LRRC4C: variants seen among roughly 807,000 people sequenced by gnomAD.
LRRC4C encodes leucine rich repeat containing 4C, also known as leucine-rich repeat-containing protein 4C.
LRRC4C carries 5 observed loss-of-function variants against 33.6 expected under a neutral mutation model. The observed-to-expected ratio is 0.15, with a 90% CI of 0.08 to 0.31. The LOEUF (loss-of-function observed/expected upper bound fraction) is 0.31. Among genes scored for constraint, LRRC4C ranks in the 10% least tolerant of loss-of-function variants. The probability of loss-of-function intolerance (pLI) is 1.00; values close to 1 mark genes in which losing one functional copy is unlikely to be tolerated. For missense variants in LRRC4C, 560 were observed against 796.7 expected (o/e 0.70, Z 3.58); for synonymous variants, 329 against 302.0 (o/e 1.09, Z -0.93).
At chr11:40,380,154 G>A (rs180846203) in intron 3 of LRRC4C, among the ~76,000 whole-genome samples, 37 of 152,170 alleles carry the variant, frequency 2.4e-4, no homozygotes, top group Non-Finnish European at 1.6e-4. Flanking sequence ...AATATTTCAC[G>A]GAGGAGGCTA....
chr11:40,775,016 A>C (rs1252830782), intron 2 of LRRC4C, among the ~76,000 whole-genome samples: 8 of 151,938 alleles, frequency 5.3e-5, no homozygotes, highest in African/African-American at 1.9e-4. Flanking sequence ...AAATATTTAC[A>C]TATAATAAAA....
At chr11:40,571,391 G>T (rs572838298) in intron 3 of LRRC4C, among the ~76,000 whole-genome samples, 5 of 152,136 alleles carry the variant, frequency 3.3e-5, no homozygotes, top group South Asian at 4.1e-4. Context: ...TGTTTACAGA[G>T]AATTTTTATG....
intron 2 of LRRC4C, among the ~76,000 whole-genome samples, chr11:40,790,866 A>G (rs1262394840): frequency 6.6e-6 from 1 of 152,128 alleles, no homozygotes; most frequent in East Asian, 1.9e-4. Context: ...TCTTAAAAAT[A>G]TTTTTGTTTC....
chr11:40,675,928 G>T (rs1258007150), intron 2 of LRRC4C, among the ~76,000 whole-genome samples: 2 of 152,226 alleles, frequency 1.3e-5, no homozygotes, highest in Non-Finnish European at 2.9e-5. Flanking sequence ...AATAGGAAAA[G>T]AAAACTCTTA....
intron 3 of LRRC4C, among the ~76,000 whole-genome samples, chr11:40,344,998 T>C (rs566266106): frequency 3.3e-5 from 5 of 152,002 alleles, no homozygotes; most frequent in Admixed American, 6.6e-5. Flanking sequence ...TCAAATAAAT[T>C]GGAGATGATA....
At chr11:40,234,081 C>T (rs187547463) in intron 5 of LRRC4C, among the ~76,000 whole-genome samples, 108 of 152,250 alleles carry the variant, frequency 7.1e-4, no homozygotes, top group East Asian at 3.9e-3. Context: ...ACAGGAGACA[C>T]GATTCAAAAT....
At chr11:40,499,914 G>C (rs2138608621) in intron 3 of LRRC4C, among the ~76,000 whole-genome samples, 1 of 152,152 alleles carries the variant, frequency 6.6e-6, no homozygotes, top group African/African-American at 2.4e-5. Context: ...ATGAGACCTA[G>C]GCCAGGGACA....
At chr11:41,435,443 T>C (rs947791011) in intron 1 of LRRC4C, among the ~76,000 whole-genome samples, 4 of 152,170 alleles carry the variant, frequency 2.6e-5, no homozygotes, top group African/African-American at 9.6e-5. Context: ...AGAGAACCCG[T>C]TGATCAATAC....
chr11:41,220,409 G>A lies in LRRC4C; in HGVS notation c.-496+239022C>T, dbSNP rs901914468. ...AGTTATGAAAATAGGAATCTCTCTG[G>A]TTATCTGCTGTGCAACATTCAACTT... On this transcript the variant is annotated intron_variant, in intron 1 of 6. Transcript: ENST00000528697. Among the ~76,000 whole-genome samples the A allele has an allele frequency of 2.6e-5, 4 of 151,746 alleles. No homozygotes were observed. In the East Asian group the frequency reaches 7.7e-4, roughly 29 times the overall value.
At chr11:40,898,934 C>A (rs114553828) in intron 2 of LRRC4C, among the ~76,000 whole-genome samples, 1,958 of 152,176 alleles carry the variant, frequency 0.013, 38 homozygotes, top group African/African-American at 0.045. Flanking sequence ...CTAGCTCATC[C>A]TATTTCCTTA....
chr11:41,031,100 A>G (rs776756146), intron 1 of LRRC4C, among the ~76,000 whole-genome samples: 1 of 151,912 alleles, frequency 6.6e-6, no homozygotes, highest in Non-Finnish European at 1.5e-5. Context: ...AACTCATGCT[A>G]TTGCTTTCAC....
chr11:40,713,317 C>T (rs1946555833), intron 2 of LRRC4C, among the ~76,000 whole-genome samples: 1 of 152,254 alleles, frequency 6.6e-6, no homozygotes, highest in South Asian at 2.1e-4. Context: ...GAAATTTGGA[C>T]AGAACAAGTG....
intron 2 of LRRC4C, among the ~76,000 whole-genome samples, chr11:40,669,626 A>T (rs1943984568): frequency 6.6e-6 from 1 of 152,192 alleles, no homozygotes; most frequent in Non-Finnish European, 1.5e-5. Flanking sequence ...TCTACTAAAC[A>T]AGACCCTCCG....
At chr11:40,911,348 C>T (rs904900275) in intron 2 of LRRC4C, among the ~76,000 whole-genome samples, 4 of 152,182 alleles carry the variant, frequency 2.6e-5, no homozygotes, top group African/African-American at 9.7e-5. Context: ...TGAGACAAAA[C>T]TTCCAGAGGA....
At chr11:40,426,577 T>C (rs762021376) in intron 3 of LRRC4C, among the ~76,000 whole-genome samples, 40 of 152,178 alleles carry the variant, frequency 2.6e-4, no homozygotes, top group Non-Finnish European at 5.1e-4. Flanking sequence ...TGGTGCTTCA[T>C]TCCTTAGCAT....
intron 1 of LRRC4C, among the ~76,000 whole-genome samples, chr11:41,291,166 T>G (rs1033893703): frequency 2.0e-5 from 3 of 152,182 alleles, no homozygotes; most frequent in African/African-American, 4.8e-5. Flanking sequence ...CTTTAAACAC[T>G]TTTCCAATAT....
intron 2 of LRRC4C, among the ~76,000 whole-genome samples, chr11:40,728,951 G>GA (rs1489558092): frequency 1.3e-5 from 1 of 76,302 alleles, no homozygotes; most frequent in East Asian, 4.3e-4. Flanking sequence ...CATTAAGATG[G>GA]AAAAAATAGA....
chr11:41,091,933 T>C (rs568639845), intron 1 of LRRC4C, among the ~76,000 whole-genome samples: 15 of 152,192 alleles, frequency 9.9e-5, no homozygotes, highest in African/African-American at 3.6e-4. Context: ...ATCAATGGGA[T>C]ACAATATTGC....
intron 1 of LRRC4C, among the ~76,000 whole-genome samples, chr11:41,351,252 TACACAC>T (rs35682867): frequency 1.3e-5 from 2 of 149,334 alleles, no homozygotes; most frequent in Non-Finnish European, 3.0e-5. Context: ...CACACACACA[TACACAC>T]ACACACACAC....
Sources: gnomAD v4.1 joint callset for allele counts (sites outside exome capture counted in the v4.1 genomes callset) on GRCh38, gnomAD v4.1.1 for gene constraint, MANE v1.5 for transcripts, NCBI Gene and HGNC (gene_info 2026-07-23, HGNC 2026-07-21) for gene names.